SUPT3H: variants seen among roughly 807,000 people sequenced by gnomAD.
The protein encoded by SUPT3H is SPT3 homolog, SAGA and STAGA complex component.
SUPT3H carries 44 observed loss-of-function variants against 44.3 expected under a neutral mutation model. The observed-to-expected ratio is 0.99, with a 90% CI of 0.78 to 1.28. The LOEUF (loss-of-function observed/expected upper bound fraction) is 1.28, where lower values mean the gene tolerates loss of function less well. Ranked by LOEUF, SUPT3H falls within the 50% of genes most tolerant of loss-of-function variation. The pLI, the probability that SUPT3H is intolerant of heterozygous loss-of-function variation, is 0.00. For synonymous variants in SUPT3H, 124 were observed against 125.6 expected, an observed-to-expected ratio of 0.99 and a Z score of 0.09; for missense variants, 380 against 387.1, an observed-to-expected ratio of 0.98 and a Z score of 0.15.
At chr6:45,213,584 ACATT>A (rs1764488107) in intron 2 of SUPT3H, among the ~76,000 whole-genome samples, 1 of 152,174 alleles carries the variant, frequency 6.6e-6, no homozygotes. Context: ...AATGAACAAA[ACATT>A]CATAAATCAA....
At chr6:45,254,882 A>T (rs1311541646) in intron 2 of SUPT3H, among the ~76,000 whole-genome samples, 1 of 152,118 alleles carries the variant, frequency 6.6e-6, no homozygotes, top group African/African-American at 2.4e-5. Flanking sequence ...TCTCATGCCA[A>T]CCTGCTGCAT....
intron 2 of SUPT3H, among the ~76,000 whole-genome samples, chr6:45,202,464 C>T (rs971533768): frequency 6.6e-6 from 1 of 151,960 alleles, no homozygotes; most frequent in Non-Finnish European, 1.5e-5. Flanking sequence ...TTTAGGATTA[C>T]TTTTTATATA....
chr6:45,256,952 C>A (rs914481296), intron 2 of SUPT3H, among the ~76,000 whole-genome samples: 2 of 152,082 alleles, frequency 1.3e-5, no homozygotes, highest in African/African-American at 4.8e-5. Flanking sequence ...GAGTGCATAC[C>A]CAGATGTAGA....
At chr6:45,271,638 T>C (rs986540242) in intron 2 of SUPT3H, among the ~76,000 whole-genome samples, 1 of 152,050 alleles carries the variant, frequency 6.6e-6, no homozygotes, top group Non-Finnish European at 1.5e-5. Flanking sequence ...GCTCAGGCAA[T>C]GTGAAAGGAA....
intron 10 of SUPT3H, among the ~76,000 whole-genome samples, chr6:44,864,781 G>A (rs954912113): frequency 2.6e-5 from 4 of 152,180 alleles, no homozygotes; most frequent in Non-Finnish European, 5.9e-5. Flanking sequence ...AGGCCTCCGG[G>A]CCATGATGGG....
At chr6:44,833,025 A>AACTT (rs201448566) in intron 10 of SUPT3H, among the ~76,000 whole-genome samples, 4,474 of 152,210 alleles carry the variant, frequency 0.029, 109 homozygotes, top group South Asian at 0.12. Context: ...CATGCTACAA[A>AACTT]ACTTACTTTG....
chr6:45,207,912 G>C (rs942239216), intron 2 of SUPT3H, among the ~76,000 whole-genome samples: 8 of 152,134 alleles, frequency 5.3e-5, no homozygotes, highest in African/African-American at 1.9e-4. Flanking sequence ...GCCTCTAACT[G>C]TTCCAGTGAA....
chr6:45,056,067 T>C (rs564881294), intron 3 of SUPT3H, among the ~76,000 whole-genome samples: 2 of 151,892 alleles, frequency 1.3e-5, no homozygotes, highest in Non-Finnish European at 2.9e-5. Flanking sequence ...AACAAACATA[T>C]GAAAAAAATG....
At chr6:45,331,356 A>G (rs1210569401) in intron 2 of SUPT3H, among the ~76,000 whole-genome samples, 2 of 152,028 alleles carry the variant, frequency 1.3e-5, no homozygotes, top group Admixed American at 1.3e-4. Context: ...AAATCTTTGT[A>G]ACTGCTTGAA....
intron 10 of SUPT3H, among the ~76,000 whole-genome samples, chr6:44,903,309 G>C (rs1219983197): frequency 6.6e-6 from 1 of 152,104 alleles, no homozygotes; most frequent in African/African-American, 2.4e-5. Context: ...AGAAAAGAGA[G>C]AAGAATCAAA....
At chr6:45,240,237 C>T (rs888201979) in intron 2 of SUPT3H, among the ~76,000 whole-genome samples, 10 of 151,986 alleles carry the variant, frequency 6.6e-5, no homozygotes, top group Non-Finnish European at 1.5e-4. Flanking sequence ...TGAGGAGGAC[C>T]CCAGCTGTCA....
At chr6:44,820,431 G>T (rs144204944) in intron 11 of SUPT3H, among the ~76,000 whole-genome samples, 19 of 152,212 alleles carry the variant, frequency 1.2e-4, no homozygotes, top group African/African-American at 4.3e-4. Context: ...AAAGTCAAGG[G>T]GAAGCTGAAT....
chr6:45,045,072 C>T (rs1024659766), intron 3 of SUPT3H, among the ~76,000 whole-genome samples: 1 of 152,096 alleles, frequency 6.6e-6, no homozygotes, highest in African/African-American at 2.4e-5. Context: ...GAAACCTCAT[C>T]ATGACTCATG....
Position 45,032,400 on chromosome 6 carries a change from CAAAT to C in SUPT3H, c.187-11772_187-11769del, listed in dbSNP as rs1473430592. 5.3e-5 allele frequency among the ~76,000 whole-genome samples: 8 copies of C among 152,160 alleles called. No homozygotes were observed. The East Asian group carries it at 1.5e-3, about 29-fold the overall frequency. On this transcript the variant is annotated intron_variant, in intron 3 of 10. Coordinates refer to ENST00000371459, the MANE Select transcript of SUPT3H (RefSeq NM_003599.4). ...ATTAAATGAAATAATGTAGTAAAGA[CAAAT>C]AGAGAACTATAAAACACTATACCTG...
chr6:44,891,873 T>C (rs1763371305), intron 10 of SUPT3H, among the ~76,000 whole-genome samples: 1 of 151,972 alleles, frequency 6.6e-6, no homozygotes, highest in South Asian at 2.1e-4. Context: ...ATATTAACTG[T>C]CGATATAGGT....
intron 9 of SUPT3H, among the ~76,000 whole-genome samples, chr6:44,944,986 C>G (rs1205404372): frequency 6.6e-6 from 1 of 151,922 alleles, no homozygotes; most frequent in Non-Finnish European, 1.5e-5. Context: ...AACCCTAAAT[C>G]AAGCAAGTCT....
intron 3 of SUPT3H, among the ~76,000 whole-genome samples, chr6:45,035,895 A>G (rs999655451): frequency 6.6e-6 from 1 of 152,096 alleles, no homozygotes; most frequent in Non-Finnish European, 1.5e-5. Context: ...GATGTTCTGG[A>G]AGAGAAAGAA....
chr6:45,279,102 T>C lies in SUPT3H; in HGVS notation c.101+86099A>G, dbSNP rs543296182. 8.5e-5 allele frequency among the ~76,000 whole-genome samples: 13 copies of C among 152,366 alleles called. No homozygotes were observed. In the South Asian group the frequency reaches 1.4e-3, roughly 17 times the overall value. ...ATTTAATTCTCGATTAAGATACTTA[T>C]GTTTCTTAGTGTTAACTACAACTTT... On this transcript the variant is annotated intron_variant, in intron 2 of 10. Coordinates refer to ENST00000371459, the MANE Select transcript of SUPT3H (RefSeq NM_003599.4).
chr6:44,838,539 A>G (rs150122615), intron 10 of SUPT3H, among the ~76,000 whole-genome samples: 289 of 152,246 alleles, frequency 1.9e-3, no homozygotes, highest in African/African-American at 6.7e-3. Context: ...AAGTGTTTTA[A>G]GTAAGGCCAA....
Sources: gnomAD v4.1 joint callset for allele counts (sites outside exome capture counted in the v4.1 genomes callset) on GRCh38, gnomAD v4.1.1 for gene constraint, MANE v1.5 for transcripts, NCBI Gene and HGNC (gene_info 2026-07-23, HGNC 2026-07-21) for gene names.